Variants in IPMK observed in about 807,000 individuals in gnomAD.
IPMK encodes inositol 1,3,4,6-tetrakisphosphate 5-kinase.
A neutral mutation model predicts 45.8 loss-of-function variants in IPMK; 17 were observed. That is an observed-to-expected ratio of 0.37 (90% CI 0.25 to 0.56). IPMK has a LOEUF of 0.56. Ranked by LOEUF, IPMK falls within the 20% of genes least tolerant of loss-of-function variation. IPMK has a pLI of 0.79. For missense variants in IPMK, 399 were observed against 498.0 expected (o/e 0.80, Z 1.89); for synonymous variants, 180 against 184.3 (o/e 0.98, Z 0.19).
intron 5 of IPMK, among the ~76,000 whole-genome samples, chr10:58,197,291 T>C (rs1837912583): frequency 1.1e-5 from 1 of 89,756 alleles, no homozygotes; most frequent in South Asian, 3.5e-4. Context: ...AGAGCGAGAC[T>C]CCGTCTCAAA....
chr10:58,207,056 G>T (rs906891359), intron 4 of IPMK, among the ~76,000 whole-genome samples: 1 of 152,094 alleles, frequency 6.6e-6, no homozygotes, highest in Non-Finnish European at 1.5e-5. Context: ...GGCCTGGAGC[G>T]CAATGGCACG....
intron 2 of IPMK, among the ~76,000 whole-genome samples, chr10:58,229,098 C>T (rs1224142153): frequency 6.6e-6 from 1 of 152,058 alleles, no homozygotes; most frequent in Non-Finnish European, 1.5e-5. Flanking sequence ...TTCTCTCTCC[C>T]CCAACCACTG....
intron 2 of IPMK, 67 bp downstream of exon 2, chr10:58,237,662 G>A (rs1475037905): frequency 8.7e-6 from 10 of 1,153,530 alleles, no homozygotes; most frequent in South Asian, 1.2e-5. Context: ...GTGTCTTACT[G>A]TGAGTCACCA....
intron 4 of IPMK, among the ~76,000 whole-genome samples, chr10:58,201,743 C>T (rs1391324696): frequency 6.6e-6 from 1 of 152,190 alleles, no homozygotes; most frequent in Non-Finnish European, 1.5e-5. Context: ...AAAGCAAAGA[C>T]AGGCCTAAAA....
At chr10:58,197,326 A>AATAAATAAATAAATAAATACATAC (rs764500371) in intron 5 of IPMK, among the ~76,000 whole-genome samples, 7,909 of 146,336 alleles carry the variant, frequency 0.054, 301 homozygotes, top group Non-Finnish European at 0.075. Flanking sequence ...TAAATAAATA[A>AATAAATAAATAAATAAATACATAC]ATACATAAAT....
At chr10:58,217,156 C>CTTTTTTTTTT (rs58314639) in intron 3 of IPMK, among the ~76,000 whole-genome samples, 3 of 102,908 alleles carry the variant, frequency 2.9e-5, no homozygotes, top group East Asian at 3.2e-4. Flanking sequence ...GCCCATCTTG[C>CTTTTTTTTTT]TTTTTTTTTT....
At chr10:58,266,193 G>T (rs569029716) in intron 1 of IPMK, among the ~76,000 whole-genome samples, 1 of 136,874 alleles carries the variant, frequency 7.3e-6, no homozygotes, top group African/African-American at 3.2e-5. Flanking sequence ...CCCAGTCCGT[G>T]CACAAGGCTA....
At chr10:58,218,419 C>T (rs1838281634) in intron 3 of IPMK, among the ~76,000 whole-genome samples, 1 of 152,202 alleles carries the variant, frequency 6.6e-6, no homozygotes, top group African/African-American at 2.4e-5. Context: ...CTCCTCCCAT[C>T]TCCAACCACC....
intron 4 of IPMK, among the ~76,000 whole-genome samples, chr10:58,213,888 G>A (rs1838205122): frequency 6.6e-6 from 1 of 152,156 alleles, no homozygotes; most frequent in East Asian, 1.9e-4. Context: ...TAGTGGCATG[G>A]TGGTGCTTAA....
intron 5 of IPMK, among the ~76,000 whole-genome samples, chr10:58,197,168 C>G (rs537622808): frequency 1.3e-5 from 2 of 151,348 alleles, no homozygotes; most frequent in Non-Finnish European, 2.9e-5. Context: ...GGGATGGTGG[C>G]GGGCACCTGT....
At chr10:58,214,410 G>T (rs1481697298) in intron 4 of IPMK, among the ~76,000 whole-genome samples, 1 of 152,230 alleles carries the variant, frequency 6.6e-6, no homozygotes, top group Admixed American at 6.5e-5. Context: ...GAAGGAAAGA[G>T]GGAGGGTGAG....
chr10:58,217,205 T>G (rs2590306), intron 3 of IPMK, among the ~76,000 whole-genome samples: 47,308 of 144,124 alleles, frequency 0.33, 10,145 homozygotes, highest in African/African-American at 0.61. Flanking sequence ...CCAAAAGTTG[T>G]TCTGTATATC....
chr10:58,259,185 A>G (rs1839018704), intron 1 of IPMK, among the ~76,000 whole-genome samples: 1 of 152,216 alleles, frequency 6.6e-6, no homozygotes, highest in Admixed American at 6.5e-5. Context: ...TGGCCAGACC[A>G]TAGTTTCTAA....
chr10:58,222,584 A>T (rs979927595), intron 3 of IPMK, among the ~76,000 whole-genome samples: 1 of 152,186 alleles, frequency 6.6e-6, no homozygotes, highest in African/African-American at 2.4e-5. Context: ...ACTCTTCATA[A>T]ATATGTGGAG....
In IPMK at chr10:58,267,634, G is replaced by A. The variant is rs778823118; in HGVS notation, c.-23C>T. 22 of 1,538,528 alleles carry A rather than the reference G, an allele frequency of 1.4e-5. 1 individual carries two copies. The Admixed American group carries it at 3.4e-4, about 24-fold the overall frequency. ...CATAACGGAGAGCAGAAGCGGTAAC[G>A]GCAGCGAGAGTAGGAAAAAAAATAG... On this transcript the variant is annotated 5_prime_UTR_variant, in exon 1 of 6. Coordinates refer to ENST00000373935, the MANE Select transcript of IPMK (RefSeq NM_152230.5).
rs923289527 is a variant in IPMK at position 58,216,134 on chromosome 10, A to C, written c.546+11T>G. On this transcript the variant is annotated intron_variant, in intron 4 of 5. Coordinates refer to ENST00000373935, the MANE Select transcript of IPMK (RefSeq NM_152230.5). Reference sequence around the variant, plus strand: ...GAGAAATGTGCATATTATACTAATAAGCACTCTTACCCTCATGCCAAGCAC... The same window carrying C: ...GAGAAATGTGCATATTATACTAATACGCACTCTTACCCTCATGCCAAGCAC... The C allele has an allele frequency of 6.4e-7, 1 of 1,551,618 alleles. No homozygotes were observed. The highest frequency in any genetic ancestry group is 2.0e-5 in the Admixed American group (1 of 50,474).
intron 1 of IPMK, among the ~76,000 whole-genome samples, chr10:58,252,922 G>A (rs2132175433): frequency 6.6e-6 from 1 of 150,466 alleles, no homozygotes; most frequent in South Asian, 2.1e-4. Context: ...ACATCCATGA[G>A]GTTTTTAACT....
rs1488037588 is a variant in IPMK at position 58,196,672 on chromosome 10, A to T, written c.655T>A (p.Tyr219Asn). The change falls in exon 6 of 6, where the codon TAC (tyrosine) becomes AAC (asparagine). Residue 219 changes from tyrosine (Y) to asparagine (N), a missense_variant. Physicochemically the swap from Tyr to Asn is moderately radical, Grantham distance 143. Around this residue, in one of 2 missense-constraint regions of IPMK, gnomAD observed 288 missense variants for 398.0 expected, o/e 0.72. Transcript: ENST00000373935. ...GCAACAGCATCTTTTCTTAAGCAGTACCCATTATGAAAAAATCTGGAGACT... is the reference window on the plus strand; with the variant it reads ...GCAACAGCATCTTTTCTTAAGCAGTTCCCATTATGAAAAAATCTGGAGACT... ...DGVSRFFHNG[Y>N]CLRKDAVAAS... 1.3e-6 allele frequency: 2 copies of T among 1,584,472 alleles called. No homozygotes were observed. The highest frequency in any genetic ancestry group is 3.9e-5 in the Admixed American group (2 of 51,816).
At chr10:58,228,315 T>C (rs11006086) in intron 2 of IPMK, among the ~76,000 whole-genome samples, 28,709 of 151,584 alleles carry the variant, frequency 0.19, 3,449 homozygotes, top group East Asian at 0.44. Flanking sequence ...ATATAGCAGG[T>C]CTATGAAATT....
Sources: gnomAD v4.1 joint callset for allele counts (sites outside exome capture counted in the v4.1 genomes callset) on GRCh38, gnomAD v4.1.1 for gene constraint, gnomAD v4.1.1 regional missense constraint, MANE v1.5 for transcripts, NCBI Gene and HGNC (gene_info 2026-07-23, HGNC 2026-07-21) for gene names.